FOCAD: variants seen among roughly 807,000 people sequenced by gnomAD.
FOCAD encodes the protein focadhesin.
Under a neutral mutation model 225.6 loss-of-function variants are expected in FOCAD, and 198 were observed. That is an observed-to-expected ratio of 0.88 (90% CI 0.78 to 0.99). FOCAD has a LOEUF of 0.99. FOCAD is among the 50% of genes least tolerant of loss of function. The probability of loss-of-function intolerance (pLI) is 0.00; values close to 1 mark genes in which losing one functional copy is unlikely to be tolerated. For synonymous variants in FOCAD, 897 were observed against 755.0 expected, an observed-to-expected ratio of 1.19 and a Z score of -3.08; for missense variants, 2,713 against 2,123.6, an observed-to-expected ratio of 1.28 and a Z score of -5.46.
chr9:20,715,434 C>CAA (rs1563906796), intron 2 of FOCAD, 24 bp downstream of exon 2: 1 of 1,443,188 alleles, frequency 6.9e-7, no homozygotes, highest in Admixed American at 1.9e-5. Flanking sequence ...TTTATTTTTG[C>CAA]TCATGGTAAC....
At chr9:20,865,443 C>T (rs968902753) in intron 16 of FOCAD, among the ~76,000 whole-genome samples, 1 of 152,056 alleles carries the variant, frequency 6.6e-6, no homozygotes. Flanking sequence ...ATTTATTACA[C>T]ATTTGTCATC....
At chr9:20,670,320 T>C (rs1587186585) in intron 2 of FOCAD, among the ~76,000 whole-genome samples, 1 of 152,228 alleles carries the variant, frequency 6.6e-6, no homozygotes, top group Non-Finnish European at 1.5e-5. Flanking sequence ...GAGGTAAATA[T>C]CATTAGTATC....
intron 8 of FOCAD, among the ~76,000 whole-genome samples, chr9:20,770,876 T>C (rs1194544264): frequency 6.6e-6 from 1 of 152,234 alleles, no homozygotes; most frequent in East Asian, 1.9e-4. Flanking sequence ...TGACTTTTTT[T>C]TCATTTATTC....
intron 15 of FOCAD, among the ~76,000 whole-genome samples, chr9:20,829,984 C>T (rs922637824): frequency 9.2e-5 from 14 of 151,902 alleles, no homozygotes; most frequent in East Asian, 3.9e-4. Context: ...TGACAGGTAC[C>T]GTTTTCTTCT....
chr9:20,702,026 C>T (rs901930703), intron 1 of FOCAD, among the ~76,000 whole-genome samples: 1 of 152,092 alleles, frequency 6.6e-6, no homozygotes, highest in Non-Finnish European at 1.5e-5. Context: ...TTGCTATGTT[C>T]ATGGCTCTGA....
intron 5 of FOCAD, among the ~76,000 whole-genome samples, chr9:20,742,410 A>AT (rs762973489): frequency 1.3e-5 from 2 of 151,368 alleles, no homozygotes; most frequent in Non-Finnish European, 2.9e-5. Flanking sequence ...TGGGCTCAAG[A>AT]TTCTTGTCTA....
intron 1 of FOCAD, among the ~76,000 whole-genome samples, chr9:20,705,260 T>C (rs995395143): frequency 6.6e-6 from 1 of 152,228 alleles, no homozygotes; most frequent in Non-Finnish European, 1.5e-5. Context: ...GTACCTATTA[T>C]TAACATTTAG....
Position 20,878,599 on chromosome 9 carries a change from A to G in FOCAD, c.2318-3272A>G, listed in dbSNP as rs569174755. On this transcript the variant is annotated intron_variant, in intron 19 of 43. Transcript: ENST00000338382. ...AAGGAATATAGTAAGAAGGAATTGT[A>G]TTTGGCTTCTCCAATACCAAATCTA... Among the ~76,000 whole-genome samples the G allele has an allele frequency of 7.9e-5, 12 of 152,330 alleles. No individual in the cohort carries two copies. The South Asian group carries it at 2.5e-3, about 32-fold the overall frequency.
intron 16 of FOCAD, among the ~76,000 whole-genome samples, chr9:20,863,829 TG>T (rs1438095864): frequency 6.6e-6 from 1 of 152,150 alleles, no homozygotes; most frequent in East Asian, 1.9e-4. Flanking sequence ...ATATATCTTT[TG>T]TATTGCTTGT....
At chr9:20,703,202 G>T (rs1321245692) in intron 1 of FOCAD, among the ~76,000 whole-genome samples, 1 of 152,076 alleles carries the variant, frequency 6.6e-6, no homozygotes, top group Non-Finnish European at 1.5e-5. Flanking sequence ...GGGGGATAGG[G>T]AAGGTTCGAG....
At chr9:20,788,825 T>C (rs1587165958) in intron 10 of FOCAD, among the ~76,000 whole-genome samples, 1 of 152,212 alleles carries the variant, frequency 6.6e-6, no homozygotes, top group Non-Finnish European at 1.5e-5. Context: ...CCATTTCCTA[T>C]TGCAGAAGTT....
In FOCAD at chr9:20,901,192, A is replaced by AGTGTG. The variant is rs1832528693; in HGVS notation, c.2626-5958_2626-5957insGTGTG. ...TTTTTTTTCTGGGAATGTGGAAACAATGTGTGTGTGTGTGTGTGTGTGTGT... is the reference window on the plus strand; with the variant it reads ...TTTTTTTTCTGGGAATGTGGAAACAAGTGTGTGTGTGTGTGTGTGTGTGTGTGTGT... On this transcript the variant is annotated intron_variant, in intron 21 of 43. Transcript: ENST00000338382. Among the ~76,000 whole-genome samples, 281 of 105,754 alleles carry AGTGTG rather than the reference A, an allele frequency of 2.7e-3. 8 individuals carry two copies. The East Asian group carries it at 0.063, about 24-fold the overall frequency. The allele number at this position is 105,754 out of a possible 152,430, so 69.4% of individuals were successfully genotyped here.
intron 2 of FOCAD, among the ~76,000 whole-genome samples, 194 bp from the exon 3 acceptor site, chr9:20,717,600 C>T (rs1825439786): frequency 6.6e-6 from 1 of 152,166 alleles, no homozygotes; most frequent in Non-Finnish European, 1.5e-5. Flanking sequence ...ATATGCCTAC[C>T]TTGAGGGCTA....
chr9:20,662,609 C>T (rs529553067), intron 2 of FOCAD, among the ~76,000 whole-genome samples: 2 of 152,124 alleles, frequency 1.3e-5, no homozygotes, highest in Non-Finnish European at 2.9e-5. Context: ...GATATTTATA[C>T]CTTTTTATTT....
chr9:20,764,784 A>T (rs1364330962), intron 6 of FOCAD, 85 bp from the exon 7 acceptor site: 2 of 1,006,664 alleles, frequency 2.0e-6, no homozygotes, highest in East Asian at 4.8e-5. Context: ...ATGTTATGTC[A>T]TGAACTATAA....
At chr9:20,770,851 T>G (rs1326253475) in intron 8 of FOCAD, among the ~76,000 whole-genome samples, 1 of 152,230 alleles carries the variant, frequency 6.6e-6, no homozygotes, top group Non-Finnish European at 1.5e-5. Flanking sequence ...GATCATCAAT[T>G]AAAGATCACC....
intron 15 of FOCAD, among the ~76,000 whole-genome samples, chr9:20,834,307 G>T (rs1331948036): frequency 1.3e-5 from 2 of 151,986 alleles, no homozygotes; most frequent in African/African-American, 4.8e-5. Flanking sequence ...TGTGGGGGAG[G>T]GGGAGGGAGA....
chr9:20,701,124 A>C (rs1244044915), intron 1 of FOCAD, among the ~76,000 whole-genome samples: 1 of 152,228 alleles, frequency 6.6e-6, no homozygotes. Flanking sequence ...TTAGCTCTCC[A>C]CTTTGTCCTC....
intron 14 of FOCAD, among the ~76,000 whole-genome samples, chr9:20,822,062 A>AT (rs1243751948): frequency 1.3e-5 from 2 of 148,452 alleles, no homozygotes; most frequent in Non-Finnish European, 3.0e-5. Context: ...GGGAGTTTGA[A>AT]TTTTACTGAG....
Sources: gnomAD v4.1 joint callset for allele counts (sites outside exome capture counted in the v4.1 genomes callset) on GRCh38, gnomAD v4.1.1 for gene constraint, MANE v1.5 for transcripts, NCBI Gene and HGNC (gene_info 2026-07-23, HGNC 2026-07-21) for gene names.